Variants in TNR observed in about 807,000 individuals in gnomAD.
TNR encodes tenascin-R.
Under a neutral mutation model 150.4 loss-of-function variants are expected in TNR, and 45 were observed. The ratio of observed to expected loss-of-function variants is 0.30; its 90% CI spans 0.24 to 0.38. The LOEUF is 0.38. TNR is among the 10% of genes least tolerant of loss of function. TNR has a pLI of 1.00. For synonymous variants in TNR, 687 were observed against 678.4 expected (o/e 1.01, Z -0.20); for missense variants, 1,544 against 1,759.1 (o/e 0.88, Z 2.19).
At chr1:175,572,409 C>T (rs1661910638) in intron 1 of TNR, among the ~76,000 whole-genome samples, 2 of 152,152 alleles carry the variant, frequency 1.3e-5, no homozygotes, top group Non-Finnish European at 2.9e-5. Context: ...CCAGAAGAGG[C>T]TGAGGTATTT....
chr1:175,445,216 G>A (rs900733749), intron 2 of TNR, among the ~76,000 whole-genome samples: 5 of 152,184 alleles, frequency 3.3e-5, no homozygotes, highest in African/African-American at 1.2e-4. Flanking sequence ...GTTGCAGTGA[G>A]CCAAGATCGC....
intron 1 of TNR, among the ~76,000 whole-genome samples, chr1:175,621,034 C>A (rs1194456726): frequency 6.6e-6 from 1 of 152,150 alleles, no homozygotes; most frequent in Non-Finnish European, 1.5e-5. Context: ...TGACCACGCA[C>A]CCCTCTTCCC....
chr1:175,424,502 T>C (rs1193372736), intron 2 of TNR, among the ~76,000 whole-genome samples: 1 of 152,154 alleles, frequency 6.6e-6, no homozygotes, highest in Non-Finnish European at 1.5e-5. Flanking sequence ...ACCCCACAGC[T>C]CTTGTAGGGG....
intron 1 of TNR, among the ~76,000 whole-genome samples, chr1:175,671,180 C>T (rs1261147667): frequency 1.3e-5 from 2 of 152,082 alleles, no homozygotes; most frequent in Non-Finnish European, 2.9e-5. Flanking sequence ...GAGGTGCAGG[C>T]TTGGGGGAAA....
At chr1:175,506,772 AC>A (rs1658973390) in intron 2 of TNR, among the ~76,000 whole-genome samples, 1 of 152,242 alleles carries the variant, frequency 6.6e-6, no homozygotes, top group South Asian at 2.1e-4. Context: ...CACAATCATC[AC>A]AACAATGAGG....
chr1:175,359,232 A>G (rs188932591), intron 15 of TNR, among the ~76,000 whole-genome samples: 2 of 133,430 alleles, frequency 1.5e-5, no homozygotes, highest in East Asian at 4.5e-4. Context: ...TGTAACCTCC[A>G]CTTCCTGGGT....
intron 6 of TNR, among the ~76,000 whole-genome samples, chr1:175,393,414 G>A (rs1351981696): frequency 2.0e-5 from 3 of 152,162 alleles, no homozygotes; most frequent in Non-Finnish European, 4.4e-5. Context: ...GATTCAGCCT[G>A]GCTTTTCTTA....
chr1:175,542,778 C>T (rs1660554792), intron 1 of TNR, among the ~76,000 whole-genome samples: 3 of 152,206 alleles, frequency 2.0e-5, no homozygotes, highest in Non-Finnish European at 4.4e-5. Flanking sequence ...TATACACACA[C>T]ATATAATTTT....
intron 18 of TNR, among the ~76,000 whole-genome samples, chr1:175,340,181 C>T (rs1196903034): frequency 6.6e-6 from 1 of 152,068 alleles, no homozygotes; most frequent in Non-Finnish European, 1.5e-5. Context: ...AAGGACCATG[C>T]TTTCTTCCTT....
chr1:175,456,234 C>T (rs1361387089), intron 2 of TNR, among the ~76,000 whole-genome samples: 1 of 152,168 alleles, frequency 6.6e-6, no homozygotes, highest in Non-Finnish European at 1.5e-5. Flanking sequence ...GACTTGTTCC[C>T]TCACTTCCCT....
At chr1:175,706,536 T>G (rs1666846715) in intron 1 of TNR, among the ~76,000 whole-genome samples, 1 of 152,078 alleles carries the variant, frequency 6.6e-6, no homozygotes, top group African/African-American at 2.4e-5. Context: ...CTGTCACCCT[T>G]TCCACCCAGC....
At chr1:175,588,357 T>C (rs937983097) in intron 1 of TNR, among the ~76,000 whole-genome samples, 3 of 152,240 alleles carry the variant, frequency 2.0e-5, no homozygotes, top group South Asian at 2.1e-4. Context: ...TCATTCTGCA[T>C]GTGTCTTTAC....
rs184198851 is a variant in TNR, at chr1:175,485,089, G to A, written c.-64+43180C>T. On this transcript the variant is annotated intron_variant, in intron 2 of 22. Coordinates refer to ENST00000367674, the MANE Select transcript of TNR (RefSeq NM_003285.3). The stretch of plus-strand genomic sequence containing the variant: ...GCTAAGACAAATGTCTTCACTGAAG[G>A]ATACAGAGTTTGATAGTATAGAAAA... Among the ~76,000 whole-genome samples, 413 of 152,244 alleles carry A rather than the reference G, an allele frequency of 2.7e-3. 1 individual carries two copies. The highest frequency in any genetic ancestry group is 9.5e-3 in the African/African-American group (395 of 41,532).
chr1:175,509,248 T>C (rs1171845849), intron 2 of TNR, among the ~76,000 whole-genome samples: 1 of 152,142 alleles, frequency 6.6e-6, no homozygotes, highest in Non-Finnish European at 1.5e-5. Flanking sequence ...AAAAGAAAAG[T>C]TTTGACCTAA....
intron 1 of TNR, among the ~76,000 whole-genome samples, chr1:175,542,932 G>GCTA (rs757856256): frequency 8.5e-5 from 13 of 152,136 alleles, no homozygotes; most frequent in Non-Finnish European, 1.6e-4. Flanking sequence ...TCTGAATGTA[G>GCTA]CTACTGTTTG....
At chr1:175,391,709 T>C (rs1365049316) in intron 6 of TNR, among the ~76,000 whole-genome samples, 1 of 152,248 alleles carries the variant, frequency 6.6e-6, no homozygotes, top group Non-Finnish European at 1.5e-5. Flanking sequence ...TTGCTGAGTT[T>C]GCCAATAAAA....
intron 1 of TNR, among the ~76,000 whole-genome samples, chr1:175,725,847 AT>A (rs1667462238): frequency 6.6e-6 from 1 of 152,196 alleles, no homozygotes. Flanking sequence ...ACTGCTGGAT[AT>A]TCAGCACCTA....
intron 18 of TNR, among the ~76,000 whole-genome samples, chr1:175,347,408 TTTTG>T (rs765213837): frequency 1.3e-4 from 20 of 152,222 alleles, no homozygotes; most frequent in Non-Finnish European, 1.8e-4. Flanking sequence ...AAATAGGCTT[TTTTG>T]TTTGTTTGTT....
chr1:175,682,962 G>A (rs1275843713), intron 1 of TNR, among the ~76,000 whole-genome samples: 5 of 152,120 alleles, frequency 3.3e-5, no homozygotes, highest in South Asian at 2.1e-4. Context: ...TAGTGGGGCC[G>A]CCATTTCTTT....
Sources: gnomAD v4.1 joint callset for allele counts (sites outside exome capture counted in the v4.1 genomes callset) on GRCh38, gnomAD v4.1.1 for gene constraint, MANE v1.5 for transcripts, NCBI Gene and HGNC (gene_info 2026-07-23, HGNC 2026-07-21) for gene names.